The following FBN3 variants were observed in gnomAD, a reference collection of about 807,000 sequenced individuals.
FBN3 encodes the protein fibrillin 3, also known as fibrillin-3.
Under a neutral mutation model 330.1 loss-of-function variants are expected in FBN3, and 234 were observed. The observed-to-expected ratio is 0.71, with a 90% CI of 0.64 to 0.79. FBN3 has a LOEUF of 0.79. Among genes scored for constraint, FBN3 ranks in the 30% least tolerant of loss-of-function variants. The pLI, the probability that FBN3 is intolerant of heterozygous loss-of-function variation, is 0.00. For missense variants in FBN3, 3,606 were observed against 3,886.9 expected, an observed-to-expected ratio of 0.93 and a Z score of 1.92; for synonymous variants, 1,458 against 1,517.3, an observed-to-expected ratio of 0.96 and a Z score of 0.91.
chr19:8,141,895 C>T (rs1390244075), intron 7 of FBN3, 45 bp downstream of exon 7: 1 of 1,612,518 alleles, frequency 6.2e-7, no homozygotes, highest in Non-Finnish European at 8.5e-7. Context: ...AGGGAAGAAC[C>T]AAGGCAGCTA....
Position 8,112,042 on chromosome 19 carries a change from T to C in FBN3, c.3896A>G (p.Asn1299Ser). The change falls in exon 31 of 64, where the codon AAC becomes AGC. Residue 1299 changes from asparagine (N) to serine (S), a missense_variant. By Grantham distance (46) the Asn-to-Ser change is conservative. Coordinates refer to ENST00000600128, the MANE Select transcript of FBN3 (RefSeq NM_032447.5). ...HNCDSHASCL[N>S]IPGSFSCRCL... ...CCTACAGCTGAAACTCCCCGGGATG[T>C]TGAGACAGGAGGCGTGACTGTCACA... The C allele has an allele frequency of 6.2e-7, 1 of 1,612,364 alleles. No homozygotes were observed. The highest frequency in any genetic ancestry group is 8.5e-7 in the Non-Finnish European group (1 of 1,179,268).
In FBN3 at chr19:8,131,887, C is replaced by T; in HGVS notation, c.1715-58G>A. On this transcript the variant is annotated intron_variant, in intron 14 of 63. Coordinates refer to ENST00000600128, the MANE Select transcript of FBN3 (RefSeq NM_032447.5). The surrounding 1 kb of genome is among the most constrained non-coding windows in gnomAD (Gnocchi z 4.5). ...CCAGCGTGCTCCCTTCCTCTCTCCC[C>T]TCCCCATCTCCCAACATTTCCATCT... The T allele has an allele frequency of 6.9e-7, 1 of 1,444,910 alleles. No homozygotes were observed. The highest frequency in any genetic ancestry group is 9.1e-7 in the Non-Finnish European group (1 of 1,093,488). The allele number at this position is 1,444,910 out of a possible 1,614,324, so 89.5% of individuals were successfully genotyped here.
intron 46 of FBN3, among the ~76,000 whole-genome samples, chr19:8,095,171 A>T (rs972112288): frequency 3.3e-5 from 5 of 151,814 alleles, no homozygotes; most frequent in African/African-American, 1.2e-4. Context: ...AGGACTCACT[A>T]TGTTGCCCAG....
Position 8,129,460 on chromosome 19 carries a change from G to A in FBN3, c.2045-95C>T, listed in dbSNP as rs2083075332. On this transcript the variant is annotated intron_variant, in intron 16 of 63. Transcript: ENST00000600128. The surrounding 1 kb of genome is among the most constrained non-coding windows in gnomAD (Gnocchi z 4.5). ...CGCGGCGCACCAGGGGTCTCTAGAA[G>A]TCAGATTCCCCAAGGCCATAGCTCC... is the stretch of plus-strand genomic sequence containing the variant. 6.6e-7 allele frequency: 1 copy of A among 1,514,618 alleles called. No homozygotes were observed. The highest frequency in any genetic ancestry group is 1.9e-5 in the Admixed American group (1 of 53,908). The allele number at this position is 1,514,618 out of a possible 1,614,324, so 93.8% of individuals were successfully genotyped here.
rs531520562 is a variant in FBN3 at position 8,079,736 on chromosome 19, G to A, written c.7453+1267C>T. ...CTCCCAAGTAGTTGGGATTACAGGC[G>A]CCACCACCACACCCGGCTAATTTTT... On this transcript the variant is annotated intron_variant, in intron 59 of 63. Transcript: ENST00000600128. Among the ~76,000 whole-genome samples, 199 of 152,064 alleles carry A rather than the reference G, an allele frequency of 1.3e-3. 3 individuals carry two copies. In the South Asian group the frequency reaches 0.036, roughly 27 times the overall value.
At chr19:8,100,116 C>T (rs1427651933) in intron 41 of FBN3, among the ~76,000 whole-genome samples, 1 of 151,882 alleles carries the variant, frequency 6.6e-6, no homozygotes, top group Non-Finnish European at 1.5e-5. Flanking sequence ...AACAACAAAT[C>T]CTACGTGGTT....
rs756682549 is a variant in FBN3, at chr19:8,129,222, G to A, written c.2170+18C>T. 32 of 1,613,116 alleles carry A rather than the reference G, an allele frequency of 2.0e-5. No individual in the cohort carries two copies. The highest frequency in any genetic ancestry group is 1.7e-4 in the Middle Eastern group (1 of 6,050). On this transcript the variant is annotated intron_variant, in intron 17 of 63. Transcript: ENST00000600128. The surrounding 1 kb of genome is among the most constrained non-coding windows in gnomAD (Gnocchi z 4.5). ...GGAGAGGCTGCCCACACATCCGCCC[G>A]CCAGGTGGCATGCTCACCTGTGCAG...
At chr19:8,069,021 C>G (rs17202210) in intron 63 of FBN3, among the ~76,000 whole-genome samples, 27,921 of 152,104 alleles carry the variant, frequency 0.18, 3,281 homozygotes, top group Middle Eastern at 0.3. Context: ...CCTAAGGTCA[C>G]TCAGAAATGT....
chr19:8,066,008 T>C lies in FBN3; in HGVS notation c.8341A>G (p.Met2781Val), dbSNP rs1178651730. 6 of 1,612,998 alleles carry C rather than the reference T, an allele frequency of 3.7e-6. No homozygotes were observed. The highest frequency in any genetic ancestry group is 1.7e-5 in the Admixed American group (1 of 60,024). ...GGCTGGACACCCCAGGGTCCTGCCA[T>C]GTGGCTCACCACCTCCAGCCGGTAG... ...GTYRLEVVSH[M>V]AGPWGVQPEG... Residue 2781 changes from methionine to valine, a missense_variant, in exon 64 of 64, where the codon ATG becomes GTG. Coordinates refer to ENST00000600128, the MANE Select transcript of FBN3 (RefSeq NM_032447.5).
In FBN3 at chr19:8,083,359, G is replaced by T. The variant is rs1378626257; in HGVS notation, c.7101C>A (p.Cys2367Ter). The T allele has an allele frequency of 6.2e-7, 1 of 1,613,856 alleles. No individual in the cohort carries two copies. The highest frequency in any genetic ancestry group is 8.5e-7 in the Non-Finnish European group (1 of 1,180,008). ...YTAEGRDVDE[C>*]RMLAHLCAHG... ...GAGCACACAGGTGAGCAAGCATACG[G>T]CATTCATCTACATCTGGGAAAAAGT... is the stretch of plus-strand genomic sequence containing the variant. The change falls in exon 57 of 64, where the codon TGC becomes TGA. Residue 2367 changes from cysteine to a stop codon, truncating the protein, a stop_gained. Transcript: ENST00000600128. LOFTEE classifies it high-confidence loss of function.
At chr19:8,108,067 T>C in intron 37 of FBN3, 103 bp downstream of exon 37, 1 of 936,680 alleles carries the variant, frequency 1.1e-6, no homozygotes, top group Non-Finnish European at 1.6e-6. Context: ...ATCTGCCCCA[T>C]CCCAGGACAA....
chr19:8,115,459 T>G (rs1568416479), intron 30 of FBN3, 56 bp downstream of exon 30: 2 of 1,594,410 alleles, frequency 1.3e-6, no homozygotes, highest in East Asian at 4.5e-5. Flanking sequence ...GACCCCATGA[T>G]TCCCAAAATG....
rs779501535 is a variant in FBN3 at position 8,136,253 on chromosome 19, C to T, written c.1402G>A (p.Gly468Ser). 22 of 1,608,524 alleles carry T rather than the reference C, an allele frequency of 1.4e-5. No homozygotes were observed. The highest frequency in any genetic ancestry group is 2.7e-5 in the African/African-American group (2 of 74,878). ...GGGTAGCACCGGCAGTGGTAGGTGC[C>T]GGGGATGTTGACGCAGTCACCGTGG... is the stretch of plus-strand genomic sequence containing the variant. ...CHHGDCVNIP[G>S]TYHCRCYPGF... The change falls in exon 12 of 64, where the codon GGC (glycine) becomes AGC (serine). Residue 468 changes from glycine (G) to serine (S), a missense_variant. Transcript: ENST00000600128.
chr19:8,100,406 C>A (rs1173482619), intron 41 of FBN3, among the ~76,000 whole-genome samples: 2 of 152,026 alleles, frequency 1.3e-5, no homozygotes, highest in Admixed American at 6.5e-5. Context: ...GGCGAGATAT[C>A]GGCTCACTGC....
chr19:8,086,960 C>G, intron 54 of FBN3, 117 bp downstream of exon 54: 1 of 1,302,732 alleles, frequency 7.7e-7, no homozygotes, highest in East Asian at 2.7e-5. Flanking sequence ...CTCGCCTCAG[C>G]CTCCCAAAGT....
intron 13 of FBN3, among the ~76,000 whole-genome samples, chr19:8,134,915 T>C (rs138255240): frequency 0.036 from 5,389 of 150,808 alleles, 116 homozygotes; most frequent in Middle Eastern, 0.1. Context: ...GCCTGGGAGA[T>C]AGAGACTCAA....
At chr19:8,139,458 G>A (rs1206676344) in intron 8 of FBN3, among the ~76,000 whole-genome samples, 1 of 152,110 alleles carries the variant, frequency 6.6e-6, no homozygotes, top group Non-Finnish European at 1.5e-5. Context: ...TGAGCTCCCC[G>A]TCGCTGCAGG....
chr19:8,135,935 T>TTGGGGGGGGGGGGGGGGGGGGGCGGG, intron 13 of FBN3, 26 bp downstream of exon 13: 1 of 1,344,156 alleles, frequency 7.4e-7, no homozygotes, highest in Non-Finnish European at 1.0e-6. Flanking sequence ...CGGAAGCCCC[T>TTGGGGGGGGGGGGGGGGGGGGGCGGG]GCCCACCCGC....
chr19:8,146,263 C>G (rs753856439), intron 3 of FBN3, 38 bp from the exon 4 acceptor site: 1 of 1,533,424 alleles, frequency 6.5e-7, no homozygotes, highest in East Asian at 2.4e-5. Flanking sequence ...AGACCAGGAC[C>G]GAGCCTGGGC....
Sources: gnomAD v4.1 joint callset for allele counts (sites outside exome capture counted in the v4.1 genomes callset) on GRCh38, gnomAD v4.1.1 for gene constraint, Gnocchi (gnomAD v3.1) non-coding constraint, MANE v1.5 for transcripts, NCBI Gene and HGNC (gene_info 2026-07-23, HGNC 2026-07-21) for gene names.